Variants in IQUB observed in about 807,000 individuals in gnomAD.
The protein encoded by IQUB is IQ motif and ubiquitin-like domain-containing protein.
A neutral mutation model predicts 86.4 loss-of-function variants in IQUB; 86 were observed. The observed-to-expected ratio is 1.00, with a 90% CI of 0.84 to 1.19. IQUB has a LOEUF of 1.19. IQUB is among the 50% of genes most tolerant of loss of function. IQUB has a pLI of 0.00. For synonymous variants in IQUB, 289 were observed against 304.5 expected, an observed-to-expected ratio of 0.95 and a Z score of 0.53; for missense variants, 946 against 916.9, an observed-to-expected ratio of 1.03 and a Z score of -0.41.
At chr7:123,498,496 A>G (rs1367551417) in intron 6 of IQUB, among the ~76,000 whole-genome samples, 1 of 152,198 alleles carries the variant, frequency 6.6e-6, no homozygotes, top group Non-Finnish European at 1.5e-5. Context: ...AAATTTAAAA[A>G]ATTAATAGAA....
At chr7:123,515,158 T>C (rs1443627794) in intron 1 of IQUB, among the ~76,000 whole-genome samples, 1 of 152,094 alleles carries the variant, frequency 6.6e-6, no homozygotes, top group African/African-American at 2.4e-5. Context: ...TTTTGATTAT[T>C]TTCTCCTGTA....
intron 7 of IQUB, among the ~76,000 whole-genome samples, chr7:123,484,130 C>A (rs1208055830): frequency 6.6e-6 from 1 of 151,988 alleles, no homozygotes; most frequent in Admixed American, 6.6e-5. Context: ...TTAAAAGAAT[C>A]CGCTCTGTCC....
intron 9 of IQUB, among the ~76,000 whole-genome samples, chr7:123,466,299 T>C (rs1392841493): frequency 6.6e-6 from 1 of 152,178 alleles, no homozygotes; most frequent in Non-Finnish European, 1.5e-5. Flanking sequence ...TATTAAGATA[T>C]GCATAATTTG....
At chr7:123,499,625 G>A (rs1273678405) in intron 6 of IQUB, among the ~76,000 whole-genome samples, 1 of 152,186 alleles carries the variant, frequency 6.6e-6, no homozygotes, top group African/African-American at 2.4e-5. Context: ...AACAAAGAAA[G>A]GAGGGGGCAG....
At position 123,457,408 on chromosome 7, in the gene IQUB, A is replaced by G; in HGVS notation, c.2166T>C (p.Ala722=). Residue 722 remains alanine (A), a synonymous_variant, in exon 12 of 13, where the codon GCT becomes GCC. Coordinates refer to ENST00000324698, the MANE Select transcript of IQUB (RefSeq NM_178827.5). The part of the protein sequence containing the change: ...CILLTKDEAA[A]HLKLTSIEEG... Reference sequence around the variant, plus strand: ...CTTCAATACTTGTTAGCTTGAGATGAGCAGCTGCTTCATCTTTGGTAAGAA... The same window carrying G: ...CTTCAATACTTGTTAGCTTGAGATGGGCAGCTGCTTCATCTTTGGTAAGAA... 1 of 1,612,136 alleles carries G rather than the reference A, an allele frequency of 6.2e-7. No homozygotes were observed. The highest frequency in any genetic ancestry group is 8.5e-7 in the Non-Finnish European group (1 of 1,178,990).
chr7:123,503,836 TAGGA>T (rs1796057814), intron 3 of IQUB, among the ~76,000 whole-genome samples: 1 of 152,002 alleles, frequency 6.6e-6, no homozygotes. Flanking sequence ...AACTCCATAA[TAGGA>T]AGAGTTTTAG....
intron 1 of IQUB, among the ~76,000 whole-genome samples, chr7:123,533,834 T>A (rs899747189): frequency 2.6e-5 from 4 of 151,812 alleles, no homozygotes; most frequent in African/African-American, 9.7e-5. Flanking sequence ...ATTCGAACTA[T>A]TTTTTTATGT....
Position 123,452,850 on chromosome 7 carries a change from C to T in IQUB, c.2269G>A (p.Val757Met), listed in dbSNP as rs774092837. The T allele has an allele frequency of 1.2e-6, 2 of 1,613,450 alleles. No individual in the cohort carries two copies. Among genetic ancestry groups the T allele is most frequent in the South Asian group, 2.2e-5 (2 of 91,020 alleles). The stretch of plus-strand genomic sequence containing the variant: ...TCATCAAGTATAAATGAAGCCAGCA[C>T]TGGAACCTGAGAAAAATAGTTCTTA... ...LAKNYFSQVP[V>M]LASFILDDGE... Residue 757 changes from valine (V) to methionine (M), a missense_variant, in exon 13 of 13, where the codon GTG becomes ATG. Transcript: ENST00000324698.
intron 1 of IQUB, among the ~76,000 whole-genome samples, chr7:123,527,594 C>T (rs1311072691): frequency 6.6e-6 from 1 of 152,162 alleles, no homozygotes; most frequent in Admixed American, 6.6e-5. Flanking sequence ...TCAGTCTGCC[C>T]CTGCTGGGGG....
chr7:123,504,856 T>C (rs1796106445), intron 3 of IQUB, among the ~76,000 whole-genome samples: 1 of 152,132 alleles, frequency 6.6e-6, no homozygotes, highest in African/African-American at 2.4e-5. Context: ...CCCCAAGTAT[T>C]AACTCATTTC....
Position 123,464,855 on chromosome 7 carries a change from G to T in IQUB, c.1736C>A (p.Pro579His), listed in dbSNP as rs755265358. Residue 579 changes from proline (P) to histidine (H), a missense_variant, in exon 10 of 13, where the codon CCT (proline) becomes CAT (histidine). Transcript: ENST00000324698. ...FHYIKTPLFNPEVAKYLKVPQ... is the reference protein window; with the variant it reads ...FHYIKTPLFNHEVAKYLKVPQ... ...TACCTTAAGGTATTTTGCAACTTCA[G>T]GATTAAACAGAGGTGTTTTGATATA... 1.9e-6 allele frequency: 3 copies of T among 1,588,188 alleles called. No individual in the cohort carries two copies. Among genetic ancestry groups the T allele is most frequent in the Non-Finnish European group, 2.6e-6 (3 of 1,171,140 alleles).
chr7:123,469,034 A>G (rs1034801366), intron 9 of IQUB, among the ~76,000 whole-genome samples, 180 bp downstream of exon 9: 3 of 152,242 alleles, frequency 2.0e-5, no homozygotes, highest in African/African-American at 4.8e-5. Flanking sequence ...CATTATATTT[A>G]CATTTATTAT....
chr7:123,489,963 A>G (rs1337521261), intron 7 of IQUB, among the ~76,000 whole-genome samples: 1 of 152,016 alleles, frequency 6.6e-6, no homozygotes, highest in Non-Finnish European at 1.5e-5. Context: ...AGATAAGTAT[A>G]AAAAAGAAAT....
chr7:123,499,863 G>A (rs1036964174), intron 6 of IQUB, among the ~76,000 whole-genome samples: 8 of 152,134 alleles, frequency 5.3e-5, no homozygotes, highest in Admixed American at 1.3e-4. Context: ...TAAGCCACAG[G>A]ATAAGATAAG....
intron 8 of IQUB, among the ~76,000 whole-genome samples, chr7:123,469,597 G>A (rs1299452335): frequency 6.6e-6 from 1 of 152,120 alleles, no homozygotes. Flanking sequence ...TCAGTCTGTA[G>A]AAGTTCATAC....
intron 1 of IQUB, among the ~76,000 whole-genome samples, 194 bp from the exon 2 acceptor site, chr7:123,512,538 A>C (rs181267224): frequency 1.6e-4 from 24 of 152,348 alleles, no homozygotes; most frequent in Admixed American, 1.6e-3. Context: ...AATACTCTGC[A>C]AAGAATATAT....
At chr7:123,468,276 G>A (rs777929012) in intron 9 of IQUB, among the ~76,000 whole-genome samples, 12 of 152,194 alleles carry the variant, frequency 7.9e-5, no homozygotes, top group Non-Finnish European at 1.5e-4. Context: ...GAAGGAAACA[G>A]TGAGTATCTC....
At position 123,479,946 on chromosome 7, in the gene IQUB, C is replaced by T. The variant is rs201595627; in HGVS notation, c.1259G>A (p.Arg420His). Residue 420 changes from arginine (R) to histidine (H), a missense_variant, in exon 8 of 13, where the codon CGT becomes CAT. Coordinates refer to ENST00000324698, the MANE Select transcript of IQUB (RefSeq NM_178827.5). ...AGCTCCAGTAAAAGATTGGTTAATA[C>T]GTGTAAGTTCTTCTTGCCGCCAGAC... is the stretch of plus-strand genomic sequence containing the variant. The part of the protein sequence containing the change: ...LEFWRQEELT[R>H]INQSFTGAER... 57 of 1,609,104 alleles carry T rather than the reference C, an allele frequency of 3.5e-5. No individual in the cohort carries two copies. In the East Asian group the frequency reaches 4.0e-4, roughly 11 times the overall value.
chr7:123,534,333 G>A (rs1054811580), intron 1 of IQUB, among the ~76,000 whole-genome samples, 159 bp downstream of exon 1: 1 of 152,164 alleles, frequency 6.6e-6, no homozygotes, highest in African/African-American at 2.4e-5. Flanking sequence ...GGTTTTTAAA[G>A]TAAAGTCGGA....
Sources: gnomAD v4.1 joint callset for allele counts (sites outside exome capture counted in the v4.1 genomes callset) on GRCh38, gnomAD v4.1.1 for gene constraint, MANE v1.5 for transcripts, NCBI Gene and HGNC (gene_info 2026-07-23, HGNC 2026-07-21) for gene names.